Variants in FOXP1 observed in about 807,000 individuals in gnomAD.
The protein encoded by FOXP1 is forkhead box P1.
Under a neutral mutation model 98.2 loss-of-function variants are expected in FOXP1, and 15 were observed. The observed-to-expected ratio is 0.15, with a 90% CI of 0.10 to 0.24. FOXP1 has a LOEUF of 0.24. Among genes scored for constraint, FOXP1 ranks in the 10% least tolerant of loss-of-function variants. The probability of loss-of-function intolerance (pLI) is 1.00; values close to 1 mark genes in which losing one functional copy is unlikely to be tolerated. For synonymous variants in FOXP1, 371 were observed against 314.5 expected, an observed-to-expected ratio of 1.18 and a Z score of -1.90; for missense variants, 633 against 848.5, an observed-to-expected ratio of 0.75 and a Z score of 3.15.
intron 4 of FOXP1, among the ~76,000 whole-genome samples, chr3:71,338,178 C>G (rs545349715): frequency 6.6e-6 from 1 of 152,280 alleles, no homozygotes; most frequent in East Asian, 1.9e-4. Context: ...AAAGTGAGAT[C>G]TGCAAAAACA....
At chr3:71,405,749 A>T (rs1283882366) in intron 3 of FOXP1, among the ~76,000 whole-genome samples, 3 of 151,140 alleles carry the variant, frequency 2.0e-5, no homozygotes, top group Non-Finnish European at 4.4e-5. Flanking sequence ...TTTTTTTGAG[A>T]TGGAGTTTCA....
chr3:71,396,972 A>ATATATACACATATATATGTG (rs2081461322), intron 3 of FOXP1, among the ~76,000 whole-genome samples: 1 of 59,628 alleles, frequency 1.7e-5, no homozygotes, highest in African/African-American at 7.2e-5. Context: ...ATGTGTGTAT[A>ATATATACACATATATATGTG]TATATATATG....
At chr3:71,180,437 T>C (rs576751653) in intron 6 of FOXP1, among the ~76,000 whole-genome samples, 42 of 151,846 alleles carry the variant, frequency 2.8e-4, no homozygotes, top group African/African-American at 9.7e-4. Flanking sequence ...TGTAAAATCG[T>C]AGATGTTTTA....
intron 5 of FOXP1, among the ~76,000 whole-genome samples, chr3:71,238,831 G>A (rs766671113): frequency 3.3e-5 from 5 of 152,238 alleles, no homozygotes; most frequent in African/African-American, 4.8e-5. Context: ...GACCCGGGAA[G>A]AGGAGGTTGA....
chr3:71,447,678 C>G (rs886560031), intron 3 of FOXP1, among the ~76,000 whole-genome samples: 1 of 152,230 alleles, frequency 6.6e-6, no homozygotes, highest in South Asian at 2.1e-4. Flanking sequence ...CGTGCCCTAC[C>G]TGTTCAGACA....
intron 2 of FOXP1, among the ~76,000 whole-genome samples, chr3:71,558,747 C>A (rs1178912972): frequency 6.6e-6 from 1 of 151,444 alleles, no homozygotes; most frequent in Non-Finnish European, 1.5e-5. Context: ...CCCGCCTCGG[C>A]CTCCCAAAAT....
intron 7 of FOXP1, among the ~76,000 whole-genome samples, chr3:71,059,292 C>T (rs1164557513): frequency 2.0e-5 from 3 of 152,100 alleles, no homozygotes; most frequent in African/African-American, 4.8e-5. Context: ...CAATGCTCTC[C>T]GAGCTCTTCT....
intron 3 of FOXP1, among the ~76,000 whole-genome samples, chr3:71,388,651 G>T (rs913660310): frequency 1.3e-5 from 2 of 152,088 alleles, no homozygotes; most frequent in African/African-American, 4.8e-5. Context: ...GCTTTCAAGG[G>T]TGCTCAAGGG....
intron 9 of FOXP1, among the ~76,000 whole-genome samples, chr3:71,048,807 G>C (rs182409356): frequency 6.6e-6 from 1 of 150,632 alleles, no homozygotes; most frequent in African/African-American, 2.4e-5. Flanking sequence ...ACTATAATGG[G>C]GGGGGTACAG....
chr3:71,478,988 G>T (rs753436047), intron 3 of FOXP1, among the ~76,000 whole-genome samples: 37 of 152,338 alleles, frequency 2.4e-4, no homozygotes, highest in Admixed American at 8.5e-4. Flanking sequence ...CCCCAGTGTT[G>T]TGTGTGTGGG....
intron 7 of FOXP1, among the ~76,000 whole-genome samples, chr3:71,104,056 C>G (rs1293825125): frequency 6.6e-6 from 1 of 152,074 alleles, no homozygotes; most frequent in Admixed American, 6.6e-5. Flanking sequence ...GAAAAAGACT[C>G]AAAATTCCAG....
At chr3:71,113,280 G>T (rs2066444769) in intron 6 of FOXP1, among the ~76,000 whole-genome samples, 1 of 152,090 alleles carries the variant, frequency 6.6e-6, no homozygotes, top group South Asian at 2.1e-4. Flanking sequence ...GAACAAAACT[G>T]GTTACGTTTA....
In FOXP1 at chr3:71,242,517, G is replaced by A. The variant is rs576726170; in HGVS notation, c.-11-44125C>T. On this transcript the variant is annotated intron_variant, in intron 5 of 20. Coordinates refer to ENST00000649528, the MANE Select transcript of FOXP1 (RefSeq NM_001349338.3). ...TGGAATCAGCATGCACACAAATTTC[G>A]TATATGTGAAACCAGACACTAATAA... Among the ~76,000 whole-genome samples the A allele has an allele frequency of 1.6e-4, 25 of 152,280 alleles. 1 individual carries two copies. Among genetic ancestry groups the A allele is most frequent in the Admixed American group, 1.3e-4 (2 of 15,296 alleles).
intron 6 of FOXP1, among the ~76,000 whole-genome samples, chr3:71,135,255 CAAAAAAAA>C (rs11285510): frequency 2.0e-4 from 15 of 76,342 alleles, no homozygotes; most frequent in Non-Finnish European, 3.5e-4. Context: ...GCCTCCGTCT[CAAAAAAAA>C]AAAAAAAAAA....
intron 3 of FOXP1, among the ~76,000 whole-genome samples, chr3:71,419,319 A>G (rs996914403): frequency 1.3e-5 from 2 of 151,084 alleles, no homozygotes; most frequent in African/African-American, 4.9e-5. Flanking sequence ...AATCAGTTAT[A>G]TATTTTTGAA....
At chr3:71,103,340 A>G (rs1038591169) in intron 7 of FOXP1, among the ~76,000 whole-genome samples, 12 of 152,238 alleles carry the variant, frequency 7.9e-5, no homozygotes, top group African/African-American at 2.7e-4. Flanking sequence ...ATGAATGTTG[A>G]TAAACATCTC....
At chr3:71,180,803 T>C (rs2062244398) in intron 6 of FOXP1, among the ~76,000 whole-genome samples, 1 of 152,176 alleles carries the variant, frequency 6.6e-6, no homozygotes, top group African/African-American at 2.4e-5. Flanking sequence ...AAAGATTTTA[T>C]CTGAAATAAA....
intron 7 of FOXP1, among the ~76,000 whole-genome samples, chr3:71,091,367 C>T (rs541202698): frequency 2.2e-4 from 33 of 152,148 alleles, no homozygotes; most frequent in African/African-American, 6.3e-4. Context: ...GTGGCACATG[C>T]CAGTAATCCC....
At chr3:71,206,408 A>T (rs2064037127) in intron 5 of FOXP1, among the ~76,000 whole-genome samples, 1 of 152,152 alleles carries the variant, frequency 6.6e-6, no homozygotes, top group Non-Finnish European at 1.5e-5. Flanking sequence ...TCCTACAAAA[A>T]CCCATTGGAA....
Sources: gnomAD v4.1 joint callset for allele counts (sites outside exome capture counted in the v4.1 genomes callset) on GRCh38, gnomAD v4.1.1 for gene constraint, MANE v1.5 for transcripts, NCBI Gene and HGNC (gene_info 2026-07-23, HGNC 2026-07-21) for gene names.